The following SNX24 variants were observed in gnomAD, a reference collection of about 807,000 sequenced individuals.
SNX24 encodes the protein sorting nexin-24.
A neutral mutation model predicts 28.7 loss-of-function variants in SNX24; 22 were observed. The ratio of observed to expected loss-of-function variants is 0.77; its 90% confidence interval spans 0.55 to 1.10. The LOEUF is 1.10. Ranked by LOEUF, SNX24 falls within the 50% of genes least tolerant of loss-of-function variation. The pLI, the probability that SNX24 is intolerant of heterozygous loss-of-function variation, is 0.00. For missense variants in SNX24, 221 were observed against 201.1 expected, an observed-to-expected ratio of 1.10 and a Z score of -0.60; for synonymous variants, 69 against 71.5, an observed-to-expected ratio of 0.96 and a Z score of 0.18.
At chr5:122,919,565 A>G (rs1581748547) in intron 1 of SNX24, among the ~76,000 whole-genome samples, 1 of 151,144 alleles carries the variant, frequency 6.6e-6, no homozygotes, top group Non-Finnish European at 1.5e-5. Flanking sequence ...AAAATTAGTC[A>G]TTTTAGTTTT....
chr5:122,905,904 G>A (rs1444776481), intron 1 of SNX24, among the ~76,000 whole-genome samples: 1 of 152,204 alleles, frequency 6.6e-6, no homozygotes, highest in Admixed American at 6.5e-5. Context: ...AGTTGTGGAT[G>A]TCTCAGGATT....
intron 3 of SNX24, among the ~76,000 whole-genome samples, chr5:122,991,763 T>TTTGTTG (rs770536184): frequency 6.8e-6 from 1 of 147,814 alleles, no homozygotes; most frequent in South Asian, 2.4e-4. Flanking sequence ...ACCCAGTCGT[T>TTTGTTG]TTGTTGTTGT....
At chr5:122,885,392 G>T (rs1756660360) in intron 1 of SNX24, among the ~76,000 whole-genome samples, 1 of 152,146 alleles carries the variant, frequency 6.6e-6, no homozygotes, top group Non-Finnish European at 1.5e-5. Flanking sequence ...GTGTTCCACG[G>T]TCTTCCATCT....
intron 1 of SNX24, among the ~76,000 whole-genome samples, chr5:122,873,091 T>C (rs1310280709): frequency 2.0e-5 from 3 of 152,110 alleles, no homozygotes; most frequent in African/African-American, 2.4e-5. Flanking sequence ...CTCAGTCTCC[T>C]GAGCAGCTGG....
intron 3 of SNX24, among the ~76,000 whole-genome samples, chr5:122,985,164 G>T (rs763032797): frequency 6.6e-6 from 1 of 152,180 alleles, no homozygotes; most frequent in African/African-American, 2.4e-5. Flanking sequence ...TGTCATGACC[G>T]TGTTTATTTA....
chr5:122,981,393 G>A (rs1419428867), intron 3 of SNX24, among the ~76,000 whole-genome samples: 1 of 152,166 alleles, frequency 6.6e-6, no homozygotes, highest in Non-Finnish European at 1.5e-5. Flanking sequence ...ATCAGCAATA[G>A]GAGAGTGAGA....
chr5:122,888,540 A>C (rs180765424), intron 1 of SNX24, among the ~76,000 whole-genome samples: 2 of 152,186 alleles, frequency 1.3e-5, no homozygotes, highest in African/African-American at 4.8e-5. Context: ...CATAATAAGC[A>C]CTTCATAAAT....
intron 3 of SNX24, among the ~76,000 whole-genome samples, chr5:122,954,169 T>G (rs189281547): frequency 4.8e-4 from 68 of 140,228 alleles, no homozygotes; most frequent in African/African-American, 1.8e-3. Context: ...ATTCTTAAAT[T>G]CTCAAATGCA....
intron 1 of SNX24, among the ~76,000 whole-genome samples, chr5:122,924,826 T>C (rs1348455342): frequency 6.6e-6 from 1 of 152,156 alleles, no homozygotes; most frequent in Admixed American, 6.5e-5. Flanking sequence ...AGCCAGGAAG[T>C]AGCAGATCTG....
chr5:122,980,980 A>G (rs920618562), intron 3 of SNX24, among the ~76,000 whole-genome samples: 2 of 152,048 alleles, frequency 1.3e-5, no homozygotes, highest in Non-Finnish European at 2.9e-5. Flanking sequence ...GTCAAAGGGA[A>G]TCCGTAAGCT....
chr5:122,945,617 A>G (rs1222875148), intron 2 of SNX24, among the ~76,000 whole-genome samples: 1 of 152,202 alleles, frequency 6.6e-6, no homozygotes, highest in Non-Finnish European at 1.5e-5. Context: ...ATTTCTAGGG[A>G]CAATACTTAT....
At chr5:122,874,891 T>G (rs1050035299) in intron 1 of SNX24, among the ~76,000 whole-genome samples, 13 of 152,224 alleles carry the variant, frequency 8.5e-5, no homozygotes, top group African/African-American at 3.1e-4. Flanking sequence ...ATTGTTTTAA[T>G]CAAATGAAAT....
At chr5:122,889,501 C>T (rs1013349376) in intron 1 of SNX24, among the ~76,000 whole-genome samples, 5 of 151,578 alleles carry the variant, frequency 3.3e-5, no homozygotes, top group Non-Finnish European at 7.4e-5. Context: ...GATACTCAAC[C>T]AATACATATA....
chr5:122,894,962 A>G (rs1170218889), intron 1 of SNX24, among the ~76,000 whole-genome samples: 1 of 151,414 alleles, frequency 6.6e-6, no homozygotes, highest in South Asian at 2.1e-4. Context: ...TTATTGAGCT[A>G]CAAATGCTAA....
chr5:122,853,572 G>T, intron 1 of SNX24: 1 of 259,954 alleles, frequency 3.8e-6, no homozygotes. Context: ...AGAAATTTGG[G>T]GGCACAAGCA....
chr5:123,023,845 A>G, intron 5 of SNX24: 1 of 1,483,528 alleles, frequency 6.7e-7, no homozygotes. Context: ...CACCCCTGCC[A>G]AAGCATATCC....
At chr5:122,987,163 T>A (rs1362999048) in intron 3 of SNX24, among the ~76,000 whole-genome samples, 1 of 151,390 alleles carries the variant, frequency 6.6e-6, no homozygotes, top group Non-Finnish European at 1.5e-5. Flanking sequence ...GGAGAGAGGG[T>A]GGAGGAAGGG....
intron 1 of SNX24, among the ~76,000 whole-genome samples, chr5:122,902,653 C>T (rs1460516765): frequency 6.6e-6 from 1 of 152,158 alleles, no homozygotes; most frequent in Non-Finnish European, 1.5e-5. Flanking sequence ...TTCCTATTGG[C>T]CAGTACTGGA....
intron 1 of SNX24, among the ~76,000 whole-genome samples, chr5:122,909,767 G>A (rs554464537): frequency 1.2e-4 from 19 of 152,326 alleles, no homozygotes; most frequent in Admixed American, 2.6e-4. Flanking sequence ...GGCAGAGACC[G>A]TGTCTCTTTT....
Sources: allele counts gnomAD v4.1 joint callset (sites outside exome capture counted in the v4.1 genomes callset), GRCh38; gene constraint gnomAD v4.1.1; transcripts MANE v1.5; gene names NCBI Gene and HGNC (gene_info 2026-07-23, HGNC 2026-07-21).